The following MAD1L1 variants were observed in gnomAD, a reference collection of about 807,000 sequenced individuals.
The protein encoded by MAD1L1 is mitotic arrest deficient 1 like 1, also known as mitotic spindle assembly checkpoint protein MAD1.
Under a neutral mutation model 96.9 loss-of-function variants are expected in MAD1L1, and 95 were observed. The ratio of observed to expected loss-of-function variants is 0.98; its 90% confidence interval spans 0.83 to 1.16. The LOEUF (loss-of-function observed/expected upper bound fraction) is 1.16, where lower values mean the gene tolerates loss of function less well. Among genes scored for constraint, MAD1L1 ranks in the 50% most tolerant of loss-of-function variants. The pLI, the probability that MAD1L1 is intolerant of heterozygous loss-of-function variation, is 0.00. For synonymous variants in MAD1L1, 473 were observed against 396.6 expected (o/e 1.19, Z -2.29); for missense variants, 1,007 against 954.4 (o/e 1.06, Z -0.73).
At chr7:2,101,886 T>A (rs970093449) in intron 11 of MAD1L1, among the ~76,000 whole-genome samples, 1 of 151,986 alleles carries the variant, frequency 6.6e-6, no homozygotes, top group Non-Finnish European at 1.5e-5. Context: ...GATAAACACA[T>A]ACCAGGCAGG....
At chr7:1,890,846 AC>A (rs1441637836) in intron 18 of MAD1L1, among the ~76,000 whole-genome samples, 2 of 152,190 alleles carry the variant, frequency 1.3e-5, no homozygotes, top group Non-Finnish European at 2.9e-5. Context: ...AGGAGTCTGG[AC>A]CCTGTCTGAC....
intron 10 of MAD1L1, among the ~76,000 whole-genome samples, chr7:2,190,959 C>T (rs1175727616): frequency 6.6e-6 from 1 of 152,178 alleles, no homozygotes; most frequent in Non-Finnish European, 1.5e-5. Context: ...CCAGAGGCCC[C>T]ACTCCTAGGT....
chr7:2,213,118 T>G lies in MAD1L1; in HGVS notation c.986+94A>C. The G allele has an allele frequency of 5.2e-6, 7 of 1,340,688 alleles. No individual in the cohort carries two copies. The South Asian group carries it at 7.2e-5, about 14-fold the overall frequency. 83.0% of individuals were successfully genotyped at this position (1,340,688 alleles called of 1,614,324 possible). A position where few individuals can be genotyped will look rare whatever the true frequency, so the allele number is the denominator to read the frequency against. ...CGCACCAGCCACAGAGATGCCTGGC[T>G]GGAGACTGCGCTGGTGAGCCGGAAG... On this transcript the variant is annotated intron_variant, in intron 10 of 18. Coordinates refer to ENST00000265854, the MANE Select transcript of MAD1L1 (RefSeq NM_001013836.2).
At chr7:1,900,418 C>T (rs768196958) in intron 17 of MAD1L1, among the ~76,000 whole-genome samples, 3 of 152,180 alleles carry the variant, frequency 2.0e-5, no homozygotes, top group South Asian at 4.1e-4. Context: ...ATTCAGCCCT[C>T]GCCCCAACCT....
intron 18 of MAD1L1, among the ~76,000 whole-genome samples, chr7:1,876,003 C>T (rs951782701): frequency 3.3e-5 from 5 of 152,176 alleles, no homozygotes; most frequent in Admixed American, 6.5e-5. Context: ...GGGCCAACTC[C>T]GGTGCCCTTT....
intron 15 of MAD1L1, among the ~76,000 whole-genome samples, chr7:1,974,752 AGC>A (rs1780556711): frequency 8.5e-5 from 13 of 152,384 alleles, no homozygotes; most frequent in Admixed American, 7.8e-4. Flanking sequence ...AGCTCTCAAG[AGC>A]GGAAGGGCGT....
At chr7:1,909,362 C>T (rs1353743572) in intron 17 of MAD1L1, among the ~76,000 whole-genome samples, 6 of 152,228 alleles carry the variant, frequency 3.9e-5, no homozygotes, top group Non-Finnish European at 5.9e-5. Context: ...CTGAATTATT[C>T]ATGTTTTGCA....
chr7:2,145,755 A>G (rs1451287769), intron 11 of MAD1L1, among the ~76,000 whole-genome samples: 1 of 152,182 alleles, frequency 6.6e-6, no homozygotes, highest in Non-Finnish European at 1.5e-5. Flanking sequence ...TCTGGGTGGG[A>G]GAGCTCCAGG....
In MAD1L1 at chr7:1,968,267, C is replaced by G. The variant is rs1406353409; in HGVS notation, c.1506-10548G>C. On this transcript the variant is annotated intron_variant, in intron 15 of 18. Coordinates refer to ENST00000265854, the MANE Select transcript of MAD1L1 (RefSeq NM_001013836.2). The surrounding 1 kb of genome is among the most constrained non-coding windows in gnomAD (Gnocchi z 5.6). ...CAGGTCCACCGTCAACACCAGCGGTCTTGTCCACATCAACGCCTCAGTCCA... is the reference window on the plus strand; with the variant it reads ...CAGGTCCACCGTCAACACCAGCGGTGTTGTCCACATCAACGCCTCAGTCCA... Among the ~76,000 whole-genome samples, 1 of 151,818 alleles carries G rather than the reference C, an allele frequency of 6.6e-6. No homozygotes were observed. The highest frequency in any genetic ancestry group is 6.6e-5 in the Admixed American group (1 of 15,256).
intron 18 of MAD1L1, among the ~76,000 whole-genome samples, chr7:1,837,823 A>C (rs1244173392): frequency 2.0e-5 from 3 of 152,192 alleles, no homozygotes; most frequent in Non-Finnish European, 4.4e-5. Context: ...AGGGCCTGGG[A>C]TCTGGGGGCG....
rs182889759 is a variant in MAD1L1, at chr7:1,824,077, C to T, written c.1999-7849G>A. Among the ~76,000 whole-genome samples, 252 of 152,284 alleles carry T rather than the reference C, an allele frequency of 1.7e-3. 2 individuals are homozygous for T. Among genetic ancestry groups the T allele is most frequent in the African/African-American group, 5.9e-3 (247 of 41,562 alleles). The stretch of plus-strand genomic sequence containing the variant: ...CTGGGTCCTGACCGGGGGCTGCTCC[C>T]TCTCCTGGGCCTAGGCACTGCAGGA... On this transcript the variant is annotated intron_variant, in intron 18 of 18. Coordinates refer to ENST00000265854, the MANE Select transcript of MAD1L1 (RefSeq NM_001013836.2).
intron 10 of MAD1L1, among the ~76,000 whole-genome samples, chr7:2,210,474 GCCA>G (rs1792870992): frequency 1.7e-5 from 2 of 115,144 alleles, no homozygotes; most frequent in Non-Finnish European, 4.1e-5. Flanking sequence ...ATTCGGGACC[GCCA>G]GCCCGCATTC....
chr7:1,828,057 C>T (rs191573190), intron 18 of MAD1L1, among the ~76,000 whole-genome samples: 119 of 151,926 alleles, frequency 7.8e-4, no homozygotes, highest in African/African-American at 2.6e-3. Context: ...CTGTGGGCCC[C>T]GGGGCCCATC....
At chr7:1,975,479 G>A (rs1055635328) in intron 15 of MAD1L1, among the ~76,000 whole-genome samples, 2 of 152,218 alleles carry the variant, frequency 1.3e-5, no homozygotes, top group African/African-American at 2.4e-5. Context: ...CTGGCGGCCT[G>A]GGCTGGGCAC....
At chr7:2,113,189 A>C (rs1787472265) in intron 11 of MAD1L1, among the ~76,000 whole-genome samples, 1 of 152,146 alleles carries the variant, frequency 6.6e-6, no homozygotes, top group Non-Finnish European at 1.5e-5. Flanking sequence ...GGAAACACGG[A>C]AGAGACGGGC....
At chr7:1,938,934 GGCCAGGACCGGGACCAGAGGCGCACACA>G (rs1778781274) in intron 16 of MAD1L1, among the ~76,000 whole-genome samples, 1 of 111,102 alleles carries the variant, frequency 9.0e-6, no homozygotes, top group South Asian at 3.3e-4. Context: ...CACACATACA[GGCCAGGACCGGGACCAGAGGCGCACACA>G]CACGGGCCAG....
chr7:2,173,265 A>T (rs1179733918), intron 10 of MAD1L1, among the ~76,000 whole-genome samples: 2 of 152,066 alleles, frequency 1.3e-5, no homozygotes, highest in African/African-American at 2.4e-5. Flanking sequence ...ACTTCTCAGG[A>T]TGGAAGAGGA....
chr7:1,942,187 G>A (rs1255630685), intron 16 of MAD1L1, among the ~76,000 whole-genome samples: 1 of 152,216 alleles, frequency 6.6e-6, no homozygotes, highest in African/African-American at 2.4e-5. Flanking sequence ...GGGTGGAGCT[G>A]CCACTCATGG....
intron 18 of MAD1L1, among the ~76,000 whole-genome samples, chr7:1,883,997 G>C (rs534826576): frequency 1.3e-5 from 2 of 152,204 alleles, no homozygotes; most frequent in African/African-American, 4.8e-5. Context: ...GCGCTGCACA[G>C]TGCAGAGCCA....
Sources: gnomAD v4.1 joint callset for allele counts (sites outside exome capture counted in the v4.1 genomes callset) on GRCh38, gnomAD v4.1.1 for gene constraint, Gnocchi (gnomAD v3.1) non-coding constraint, MANE v1.5 for transcripts, NCBI Gene and HGNC (gene_info 2026-07-23, HGNC 2026-07-21) for gene names.